The following KCNQ2 variants were observed in gnomAD, a reference collection of about 807,000 sequenced individuals.
The protein encoded by KCNQ2 is potassium voltage-gated channel subfamily Q member 2.
Under a neutral mutation model 84.8 loss-of-function variants are expected in KCNQ2, and 14 were observed. That is an observed-to-expected ratio of 0.17 (90% CI 0.11 to 0.26). The LOEUF (loss-of-function observed/expected upper bound fraction) is 0.26. Ranked by LOEUF, KCNQ2 falls within the 10% of genes least tolerant of loss-of-function variation. The probability of loss-of-function intolerance (pLI) is 1.00; values close to 1 mark genes in which losing one functional copy is unlikely to be tolerated. For synonymous variants in KCNQ2, 599 were observed against 554.1 expected (o/e 1.08, Z -1.14); for missense variants, 788 against 1,254.0 (o/e 0.63, Z 5.61).
At chr20:63,430,088 C>T (rs1568909063) in intron 9 of KCNQ2, among the ~76,000 whole-genome samples, 1 of 152,230 alleles carries the variant, frequency 6.6e-6, no homozygotes, top group Non-Finnish European at 1.5e-5. Context: ...CGCACGCAGG[C>T]CCAGGTGAGA....
Position 63,405,941 on chromosome 20 carries a change from CCA to C in KCNQ2, c.*701_*702del, listed in dbSNP as rs1366151841. The C allele has an allele frequency of 6.6e-6, 1 of 152,236 alleles. No individual in the cohort carries two copies. Among genetic ancestry groups the C allele is most frequent in the Non-Finnish European group, 1.5e-5 (1 of 68,050 alleles). The allele number at this position is 152,236 out of a possible 1,614,324, so 9.4% of individuals were successfully genotyped here. A position where few individuals can be genotyped will look rare whatever the true frequency, so the allele number is the denominator to read the frequency against. ...AGAGGGCTGGACGTCCACTCTGGCT[CCA>C]GTTTGGTTCCCAGGCCCCACCCGCT... On this transcript the variant is annotated 3_prime_UTR_variant, in exon 17 of 17. Transcript: ENST00000359125.
intron 1 of KCNQ2, among the ~76,000 whole-genome samples, chr20:63,457,220 C>A (rs180975009): frequency 2.1e-4 from 32 of 152,374 alleles, no homozygotes; most frequent in Admixed American, 4.6e-4. Flanking sequence ...CACACAGAGA[C>A]CTCTCGCGTG....
chr20:63,466,959 AAC>A (rs1461954280), intron 1 of KCNQ2, among the ~76,000 whole-genome samples: 1 of 152,236 alleles, frequency 6.6e-6, no homozygotes, highest in Admixed American at 6.5e-5. Context: ...CCCGTGAGGT[AAC>A]ACGCTTGGGC....
intron 11 of KCNQ2, chr20:63,422,310 G>A (rs1275101046): frequency 6.5e-6 from 1 of 152,792 alleles, no homozygotes; most frequent in Non-Finnish European, 1.5e-5. Context: ...CCAGGCCAGG[G>A]AACAGAGATG....
intron 5 of KCNQ2, among the ~76,000 whole-genome samples, chr20:63,441,530 C>G (rs1424278151): frequency 6.6e-6 from 1 of 152,182 alleles, no homozygotes; most frequent in Non-Finnish European, 1.5e-5. Context: ...GATAAGAAGG[C>G]TGTTGCCCAC....
chr20:63,455,383 G>A (rs868271869), intron 1 of KCNQ2, among the ~76,000 whole-genome samples: 15 of 152,182 alleles, frequency 9.9e-5, no homozygotes, highest in Admixed American at 7.9e-4. Flanking sequence ...GAGCAGAGGG[G>A]CAGGGGGACA....
rs148312910 is a variant in KCNQ2 at position 63,464,868 on chromosome 20, G to A, written c.296+7300C>T. On this transcript the variant is annotated intron_variant, in intron 1 of 16. Transcript: ENST00000359125. The stretch of plus-strand genomic sequence containing the variant: ...GGTCTCCCCTGTCCTTGGCAGGGGC[G>A]TCTCCCCCACGCACCCCCAGTCCCG... Among the ~76,000 whole-genome samples the A allele has an allele frequency of 2.2e-3, 331 of 152,198 alleles. 1 individual carries two copies. Among genetic ancestry groups the A allele is most frequent in the African/African-American group, 7.6e-3 (317 of 41,534 alleles).
chr20:63,431,174 T>C lies in KCNQ2; in HGVS notation c.1148+166A>G, dbSNP rs571056181. Among the ~76,000 whole-genome samples, 13 of 151,380 alleles carry C rather than the reference T, an allele frequency of 8.6e-5. No individual in the cohort carries two copies. In the South Asian group the frequency reaches 2.5e-3, roughly 30 times the overall value. On this transcript the variant is annotated intron_variant, in intron 9 of 16. Transcript: ENST00000359125. The stretch of plus-strand genomic sequence containing the variant: ...CCCAGGGTGATCTGGCCGCCCAGCA[T>C]GGGGCCACGCAGGGCAGGGGGCATA...
intron 9 of KCNQ2, among the ~76,000 whole-genome samples, chr20:63,430,295 T>A (rs1281963502): frequency 1.3e-5 from 2 of 152,114 alleles, no homozygotes; most frequent in African/African-American, 4.8e-5. Context: ...GCCAGCCTCC[T>A]GGCCCCAGGG....
rs1473829036 is a variant in KCNQ2 at position 63,404,370 on chromosome 20, G to A, written c.*2274C>T. ...ACCTTGGGGGGGGAGGAAAGAGCAG[G>A]TGGGGCCATACTGGTGGGGGAGGAA... is the stretch of plus-strand genomic sequence containing the variant. On this transcript the variant is annotated 3_prime_UTR_variant, in exon 17 of 17. Transcript: ENST00000359125. 2 of 145,636 alleles carry A rather than the reference G, an allele frequency of 1.4e-5. No individual in the cohort carries two copies. The highest frequency in any genetic ancestry group is 1.4e-4 in the Admixed American group (2 of 14,780). The allele number at this position is 145,636 out of a possible 1,614,324, so 9.0% of individuals were successfully genotyped here.
At chr20:63,434,873 G>A (rs558106615) in intron 7 of KCNQ2, 1 of 152,392 alleles carries the variant, frequency 6.6e-6, no homozygotes, top group South Asian at 2.1e-4. Flanking sequence ...GTTCCTATGA[G>A]TGGTGCTGCT....
chr20:63,418,756 C>T (rs1182249310), intron 12 of KCNQ2, among the ~76,000 whole-genome samples: 1 of 152,226 alleles, frequency 6.6e-6, no homozygotes, highest in Non-Finnish European at 1.5e-5. Flanking sequence ...CACCAACGCC[C>T]CCAGAAGCAC....
chr20:63,431,496 C>T, intron 8 of KCNQ2, 127 bp from the exon 9 acceptor site: 1 of 1,073,680 alleles, frequency 9.3e-7, no homozygotes, highest in Non-Finnish European at 1.4e-6. Flanking sequence ...AGAAAATTAG[C>T]ACAAGGGCTG....
At position 63,408,850 on chromosome 20, in the gene KCNQ2, C is replaced by T. The variant is rs995846272; in HGVS notation, c.1764-314G>A. Among the ~76,000 whole-genome samples the T allele has an allele frequency of 5.9e-5, 9 of 152,146 alleles. No individual in the cohort carries two copies. The highest frequency in any genetic ancestry group is 2.6e-4 in the Admixed American group (4 of 15,292). On this transcript the variant is annotated intron_variant, in intron 15 of 16. Transcript: ENST00000359125. This position sits in a 1 kb window ranked among gnomAD's most constrained non-coding sequence, Gnocchi z 5.0. ...TCTCCGTGGGCTCCCGGCTCCATAC[C>T]GCCCCCTCCAGCCAGCCCCACCTGC...
chr20:63,431,686 C>T (rs1248253280), intron 8 of KCNQ2, among the ~76,000 whole-genome samples: 1 of 152,116 alleles, frequency 6.6e-6, no homozygotes, highest in Non-Finnish European at 1.5e-5. Context: ...ACATCGAGGA[C>T]CGCCAAGGGC....
chr20:63,450,978 A>G (rs551031760), intron 1 of KCNQ2, among the ~76,000 whole-genome samples: 9 of 152,006 alleles, frequency 5.9e-5, no homozygotes, highest in Non-Finnish European at 1.2e-4. Context: ...TCTCTACTAA[A>G]AATACAAAAA....
rs1568842085 is a variant in KCNQ2 at position 63,400,977 on chromosome 20, G to A, written c.*5667C>T. ...GGCAACGACTTTGTAAAACCCAGGC[G>A]GAGTTGGCGTGTGGCGATGGCGATG... On this transcript the variant is annotated 3_prime_UTR_variant, in exon 17 of 17. Coordinates refer to ENST00000359125, the MANE Select transcript of KCNQ2 (RefSeq NM_172107.4). This position sits in a 1 kb window ranked among gnomAD's most constrained non-coding sequence, Gnocchi z 8.7. The A allele has an allele frequency of 1.8e-5, 7 of 397,460 alleles. No individual in the cohort carries two copies. The highest frequency in any genetic ancestry group is 2.7e-4 in the South Asian group (2 of 7,382). 24.6% of individuals were successfully genotyped at this position (397,460 alleles called of 1,614,324 possible). A position where few individuals can be genotyped will look rare whatever the true frequency, so the allele number is the denominator to read the frequency against.
At chr20:63,428,567 C>G (rs2080702217) in intron 9 of KCNQ2, 132 bp from the exon 10 acceptor site, 2 of 772,848 alleles carry the variant, frequency 2.6e-6, no homozygotes, top group South Asian at 1.6e-5. Context: ...CGTGGCCAGG[C>G]TTTCAGGCAG....
intron 11 of KCNQ2, chr20:63,423,840 G>C: frequency 2.4e-6 from 1 of 413,894 alleles, no homozygotes; most frequent in South Asian, 3.2e-5. Flanking sequence ...CCTGCAGCTG[G>C]AGGGAGCGCA....
Sources: gnomAD v4.1 joint callset for allele counts (sites outside exome capture counted in the v4.1 genomes callset) on GRCh38, gnomAD v4.1.1 for gene constraint, Gnocchi (gnomAD v3.1) non-coding constraint, MANE v1.5 for transcripts, NCBI Gene and HGNC (gene_info 2026-07-23, HGNC 2026-07-21) for gene names.